Variants in MACROD2 observed in about 807,000 individuals in gnomAD.
The protein encoded by MACROD2 is ADP-ribose glycohydrolase MACROD2.
In MACROD2, 36 loss-of-function variants were observed where a neutral mutation model predicts 70.4. That is an observed-to-expected ratio of 0.51 (90% CI 0.39 to 0.68). The LOEUF is 0.68. Ranked by LOEUF, MACROD2 falls within the 30% of genes least tolerant of loss-of-function variation. The pLI is 0.00. For synonymous variants in MACROD2, 172 were observed against 178.8 expected, an observed-to-expected ratio of 0.96 and a Z score of 0.30; for missense variants, 496 against 538.4, an observed-to-expected ratio of 0.92 and a Z score of 0.78.
At chr20:15,475,686 G>A (rs576651220) in intron 7 of MACROD2, among the ~76,000 whole-genome samples, 11 of 152,322 alleles carry the variant, frequency 7.2e-5, no homozygotes, top group East Asian at 1.9e-4. Flanking sequence ...CCCATGCCCC[G>A]TTAGTGTCAG....
At chr20:14,049,799 A>G (rs577677715) in intron 2 of MACROD2, among the ~76,000 whole-genome samples, 1 of 144,610 alleles carries the variant, frequency 6.9e-6, no homozygotes, top group South Asian at 2.3e-4. Flanking sequence ...AAAAACAAAA[A>G]CAAGGCTGGT....
At chr20:15,247,179 A>G (rs2077113573) in intron 6 of MACROD2, among the ~76,000 whole-genome samples, 1 of 152,218 alleles carries the variant, frequency 6.6e-6, no homozygotes, top group African/African-American at 2.4e-5. Flanking sequence ...TAAATGGCAA[A>G]TTTTATGGTA....
chr20:15,945,440 T>G (rs1457646287), intron 12 of MACROD2, among the ~76,000 whole-genome samples: 2 of 152,182 alleles, frequency 1.3e-5, no homozygotes, highest in Non-Finnish European at 2.9e-5. Flanking sequence ...AGCACTTTTT[T>G]TCCACTCTAT....
chr20:15,534,672 A>G (rs1207551647), intron 8 of MACROD2, among the ~76,000 whole-genome samples: 3 of 152,220 alleles, frequency 2.0e-5, no homozygotes, highest in Non-Finnish European at 2.9e-5. Context: ...TCAACCCCCA[A>G]TATACAAATG....
chr20:15,684,367 C>T (rs748949018), intron 8 of MACROD2, among the ~76,000 whole-genome samples: 3 of 152,176 alleles, frequency 2.0e-5, no homozygotes, highest in Non-Finnish European at 4.4e-5. Context: ...AAATGCCATA[C>T]CTAAAAGAAA....
intron 5 of MACROD2, among the ~76,000 whole-genome samples, chr20:14,864,702 G>A (rs145316477): frequency 3.3e-5 from 5 of 152,090 alleles, no homozygotes; most frequent in African/African-American, 1.2e-4. Context: ...AGGAATTTTA[G>A]TGCTTCTAAA....
At chr20:15,054,029 T>G (rs1184432490) in intron 5 of MACROD2, among the ~76,000 whole-genome samples, 1 of 152,204 alleles carries the variant, frequency 6.6e-6, no homozygotes. Context: ...AGCCTAAAGA[T>G]GTGACTGAAT....
chr20:15,379,080 T>C (rs533528998), intron 6 of MACROD2, among the ~76,000 whole-genome samples: 17 of 152,346 alleles, frequency 1.1e-4, no homozygotes, highest in Non-Finnish European at 2.5e-4. Context: ...GGTATGACTA[T>C]ATATAAATGT....
At chr20:15,144,191 A>G (rs2076213787) in intron 5 of MACROD2, among the ~76,000 whole-genome samples, 1 of 152,106 alleles carries the variant, frequency 6.6e-6, no homozygotes, top group African/African-American at 2.4e-5. Context: ...TCTGGGCTCA[A>G]GCAATCCTCC....
intron 5 of MACROD2, among the ~76,000 whole-genome samples, chr20:14,743,455 C>A (rs1363689467): frequency 6.6e-6 from 1 of 152,054 alleles, no homozygotes; most frequent in Non-Finnish European, 1.5e-5. Flanking sequence ...CACAGAGATA[C>A]AACAGTGCTG....
chr20:14,054,229 G>C (rs2053607007), intron 2 of MACROD2, among the ~76,000 whole-genome samples: 1 of 151,492 alleles, frequency 6.6e-6, no homozygotes, highest in Admixed American at 6.6e-5. Flanking sequence ...GGATGGGAAT[G>C]ATTCCTGGAG....
At chr20:14,753,069 C>T (rs2071895060) in intron 5 of MACROD2, among the ~76,000 whole-genome samples, 1 of 152,096 alleles carries the variant, frequency 6.6e-6, no homozygotes, top group Non-Finnish European at 1.5e-5. Flanking sequence ...CAGAGCCAGA[C>T]ACGTGCACAT....
intron 7 of MACROD2, among the ~76,000 whole-genome samples, chr20:15,465,255 T>A (rs1177906060): frequency 6.6e-6 from 1 of 152,284 alleles, no homozygotes; most frequent in South Asian, 2.1e-4. Flanking sequence ...GCTATTTTTT[T>A]ATTTTGTTTT....
intron 5 of MACROD2, among the ~76,000 whole-genome samples, chr20:15,055,574 A>G (rs531001843): frequency 6.7e-4 from 102 of 152,338 alleles, no homozygotes; most frequent in African/African-American, 2.2e-3. Flanking sequence ...AATACATGAC[A>G]GGAAGGTAAA....
At chr20:15,594,736 A>G (rs993623822) in intron 8 of MACROD2, among the ~76,000 whole-genome samples, 4 of 152,196 alleles carry the variant, frequency 2.6e-5, no homozygotes, top group East Asian at 3.8e-4. Flanking sequence ...TGTGTTTTCA[A>G]ATTTTTAAGA....
intron 5 of MACROD2, 112 bp downstream of exon 5, chr20:14,685,071 T>C: frequency 1.3e-6 from 1 of 799,634 alleles, no homozygotes; most frequent in South Asian, 1.7e-5. Flanking sequence ...TAAATGTGCT[T>C]GAGTTCAGAT....
chr20:15,445,604 G>A (rs1169819498), intron 7 of MACROD2, among the ~76,000 whole-genome samples: 1 of 152,068 alleles, frequency 6.6e-6, no homozygotes, highest in African/African-American at 2.4e-5. Flanking sequence ...GGGACCCAGG[G>A]GAGTAGATAA....
intron 7 of MACROD2, among the ~76,000 whole-genome samples, chr20:15,492,661 T>A (rs1354214604): frequency 6.6e-6 from 1 of 152,200 alleles, no homozygotes. Flanking sequence ...TCCTTCTCAC[T>A]CAGGACAATC....
intron 6 of MACROD2, among the ~76,000 whole-genome samples, chr20:15,255,789 T>G (rs1324464971): frequency 6.6e-6 from 1 of 152,124 alleles, no homozygotes; most frequent in Non-Finnish European, 1.5e-5. Flanking sequence ...CCCAGGATTG[T>G]ATGGTATAAG....
Sources: gnomAD v4.1 joint callset for allele counts (sites outside exome capture counted in the v4.1 genomes callset) on GRCh38, gnomAD v4.1.1 for gene constraint, MANE v1.5 for transcripts, NCBI Gene and HGNC (gene_info 2026-07-23, HGNC 2026-07-21) for gene names.